FYCO1: variants seen among roughly 807,000 people sequenced by gnomAD.
The protein encoded by FYCO1 is FYVE and coiled-coil domain autophagy adaptor 1, also known as FYVE and coiled-coil domain-containing protein 1.
A neutral mutation model predicts 165.1 loss-of-function variants in FYCO1; 122 were observed. The ratio of observed to expected loss-of-function variants is 0.74; its 90% CI spans 0.64 to 0.86. The LOEUF is 0.86. FYCO1 is among the 40% of genes least tolerant of loss of function. FYCO1 has a pLI of 0.00. For missense variants in FYCO1, 1,702 were observed against 1,810.3 expected (o/e 0.94, Z 1.09); for synonymous variants, 648 against 742.5 (o/e 0.87, Z 2.07).
chr3:45,975,990 C>T (rs1176597588), intron 4 of FYCO1, among the ~76,000 whole-genome samples: 1 of 152,242 alleles, frequency 6.6e-6, no homozygotes, highest in Non-Finnish European at 1.5e-5. Context: ...TCTGCCAACG[C>T]TTTCCTGGTT....
At chr3:45,969,526 A>G in intron 7 of FYCO1, 149 bp downstream of exon 7, 1 of 645,352 alleles carries the variant, frequency 1.5e-6, no homozygotes, top group Non-Finnish European at 2.8e-6. Flanking sequence ...AAAAACCCAG[A>G]CTCCCGGGAA....
At chr3:45,938,379 G>T in intron 14 of FYCO1, 1 of 437,112 alleles carries the variant, frequency 2.3e-6, no homozygotes, top group Non-Finnish European at 4.4e-6. Flanking sequence ...AGTGGGCTGT[G>T]AATCAGTTTA....
Position 45,967,221 on chromosome 3 carries a change from T to C in FYCO1, c.2113A>G (p.Lys705Glu). 1 of 1,614,052 alleles carries C rather than the reference T, an allele frequency of 6.2e-7. No individual in the cohort carries two copies. Among genetic ancestry groups the C allele is most frequent in the Non-Finnish European group, 8.5e-7 (1 of 1,180,016 alleles). Residue 705 changes from lysine to glutamate, a missense_variant, in exon 8 of 18, where the codon AAG (lysine) becomes GAG (glutamate). By Grantham distance (56) the Lys-to-Glu change is moderately conservative (BLOSUM62 1). Transcript: ENST00000296137. ...MAEKEAILQS[K>E]EGECQQLREE... is the part of the protein sequence containing the mutation. ...CGCAGCTGCTGACACTCGCCCTCCT[T>C]GCTCTGTAGAATGGCCTCCTTCTCT...
At chr3:45,970,750 T>C (rs955327677) in intron 6 of FYCO1, among the ~76,000 whole-genome samples, 1 of 152,096 alleles carries the variant, frequency 6.6e-6, no homozygotes, top group African/African-American at 2.4e-5. Context: ...AACCCAACTC[T>C]ACACTTACAG....
Position 45,995,786 on chromosome 3 carries a change from A to G in FYCO1, c.-177T>C, listed in dbSNP as rs1707775997. 1 of 152,680 alleles carries G rather than the reference A, an allele frequency of 6.5e-6. No individual in the cohort carries two copies. Among genetic ancestry groups the G allele is most frequent in the Non-Finnish European group, 1.5e-5 (1 of 68,100 alleles). The allele number at this position is 152,680 out of a possible 1,614,324, so 9.5% of individuals were successfully genotyped here. A position where few individuals can be genotyped will look rare whatever the true frequency, so the allele number is the denominator to read the frequency against. On this transcript the variant is annotated 5_prime_UTR_variant, in exon 1 of 18. Transcript: ENST00000296137. Reference sequence around the variant, plus strand: ...TGGGGCCAAGCGGAAGAGGACGGGAACGCGGTGCTGACGGCCATGACGCGC... The same window carrying G: ...TGGGGCCAAGCGGAAGAGGACGGGAGCGCGGTGCTGACGGCCATGACGCGC...
chr3:45,949,698 C>A (rs1704876836), intron 14 of FYCO1, among the ~76,000 whole-genome samples: 1 of 152,106 alleles, frequency 6.6e-6, no homozygotes. Context: ...CTGGCCACAG[C>A]AACAGAAAAG....
chr3:45,947,595 T>C (rs1704709650), intron 14 of FYCO1: 7 of 1,053,334 alleles, frequency 6.6e-6, no homozygotes, highest in South Asian at 1.5e-5. Flanking sequence ...GCTTTGTTTA[T>C]AGCTTGCGCA....
At chr3:45,969,235 T>A (rs140639318) in intron 7 of FYCO1, among the ~76,000 whole-genome samples, 5 of 152,342 alleles carry the variant, frequency 3.3e-5, no homozygotes, top group African/African-American at 1.2e-4. Context: ...CCTACTAACA[T>A]TGACTGAGCC....
chr3:45,984,747 C>T (rs1203959073), intron 2 of FYCO1, 109 bp downstream of exon 2: 4 of 1,119,602 alleles, frequency 3.6e-6, no homozygotes, highest in African/African-American at 3.1e-5. Flanking sequence ...ACTCCAATTA[C>T]TCGTTGTGTG....
intron 6 of FYCO1, among the ~76,000 whole-genome samples, chr3:45,970,744 C>T (rs1706376562): frequency 6.6e-6 from 1 of 152,004 alleles, no homozygotes. Flanking sequence ...TTTGCCAACC[C>T]AACTCTACAC....
At chr3:45,928,250 T>C (rs1703419005) in intron 16 of FYCO1, among the ~76,000 whole-genome samples, 1 of 152,186 alleles carries the variant, frequency 6.6e-6, no homozygotes, top group Non-Finnish European at 1.5e-5. Context: ...AATAAAGCTG[T>C]TTTAAAAAAC....
At chr3:45,988,801 T>C (rs910188010) in intron 1 of FYCO1, among the ~76,000 whole-genome samples, 2 of 152,212 alleles carry the variant, frequency 1.3e-5, no homozygotes, top group Non-Finnish European at 2.9e-5. Context: ...ATTCTTATTT[T>C]TCACTTGGTA....
Position 45,964,896 on chromosome 3 carries a change from C to T in FYCO1, c.3150+137G>A. ...TGGATGGAGGGGGTCAGGGTACAAA[C>T]TAGGGTGTCTACAAAGGTGAACTGA... On this transcript the variant is annotated intron_variant, in intron 9 of 17. Coordinates refer to ENST00000296137, the MANE Select transcript of FYCO1 (RefSeq NM_024513.4). The surrounding 1 kb of genome is among the most constrained non-coding windows in gnomAD (Gnocchi z 4.1). 1 of 758,878 alleles carries T rather than the reference C, an allele frequency of 1.3e-6. No homozygotes were observed. The highest frequency in any genetic ancestry group is 1.5e-5 in the South Asian group (1 of 67,584). The allele number at this position is 758,878 out of a possible 1,614,324, so 47.0% of individuals were successfully genotyped here.
intron 17 of FYCO1, among the ~76,000 whole-genome samples, chr3:45,922,432 G>A (rs897329565): frequency 1.3e-5 from 2 of 152,192 alleles, no homozygotes; most frequent in Non-Finnish European, 2.9e-5. Flanking sequence ...TGCAGAGTAG[G>A]AAATGGAGAC....
At chr3:45,986,972 G>C (rs1707347670) in intron 1 of FYCO1, among the ~76,000 whole-genome samples, 2 of 152,208 alleles carry the variant, frequency 1.3e-5, no homozygotes, top group Non-Finnish European at 2.9e-5. Flanking sequence ...CAAGGAGACA[G>C]ATGGAAAAAT....
chr3:45,935,329 C>T (rs371612118), intron 15 of FYCO1, among the ~76,000 whole-genome samples: 1 of 152,244 alleles, frequency 6.6e-6, no homozygotes, highest in Non-Finnish European at 1.5e-5. Flanking sequence ...GATTAAGTCA[C>T]TCTTAATGCT....
chr3:45,975,012 T>A (rs954072353), intron 5 of FYCO1, among the ~76,000 whole-genome samples: 2 of 152,110 alleles, frequency 1.3e-5, no homozygotes, highest in Non-Finnish European at 2.9e-5. Flanking sequence ...GAGAAAAGCA[T>A]TAAGCCCCTC....
In FYCO1 at chr3:45,964,195, C is replaced by T. The variant is rs1291437633; in HGVS notation, c.3269+141G>A. 2.6e-6 allele frequency: 2 copies of T among 755,346 alleles called. No homozygotes were observed. The highest frequency in any genetic ancestry group is 2.4e-6 in the Non-Finnish European group (1 of 422,496). The allele number at this position is 755,346 out of a possible 1,614,324, so 46.8% of individuals were successfully genotyped here. ...CAGGTTCTCTGTGGCATGCTTCCAGCAGAAGCACTTTCTGAGTTTGTGGCT... is the reference window on the plus strand; with the variant it reads ...CAGGTTCTCTGTGGCATGCTTCCAGTAGAAGCACTTTCTGAGTTTGTGGCT... On this transcript the variant is annotated intron_variant, in intron 10 of 17. Coordinates refer to ENST00000296137, the MANE Select transcript of FYCO1 (RefSeq NM_024513.4). This position sits in a 1 kb window ranked among gnomAD's most constrained non-coding sequence, Gnocchi z 4.1.
intron 15 of FYCO1, 27 bp downstream of exon 15, chr3:45,936,421 A>G: frequency 7.5e-7 from 1 of 1,342,154 alleles, no homozygotes; most frequent in Non-Finnish European, 1.1e-6. Context: ...ACACCTGGGG[A>G]GGGCCCAGGC....
Sources: allele counts gnomAD v4.1 joint callset (sites outside exome capture counted in the v4.1 genomes callset), GRCh38; gene constraint gnomAD v4.1.1; non-coding constraint Gnocchi (gnomAD v3.1); transcripts MANE v1.5; gene names NCBI Gene and HGNC (gene_info 2026-07-23, HGNC 2026-07-21).